The following MRC1 variants were observed in gnomAD, a reference collection of about 807,000 sequenced individuals.
The protein encoded by MRC1 is mannose receptor C-type 1.
In MRC1, 62 loss-of-function variants were observed where a neutral mutation model predicts 102.9. The observed-to-expected ratio is 0.60, with a 90% confidence interval of 0.49 to 0.74. The LOEUF (loss-of-function observed/expected upper bound fraction) is 0.74. Among genes scored for constraint, MRC1 ranks in the 30% least tolerant of loss-of-function variants. The probability of loss-of-function intolerance (pLI) is 0.00; values close to 1 mark genes in which losing one functional copy is unlikely to be tolerated. For synonymous variants in MRC1, 457 were observed against 298.4 expected (o/e 1.53, Z -5.48); for missense variants, 1,237 against 862.8 (o/e 1.43, Z -5.43).
chr10:17,869,932 A>C (rs1397598211), intron 12 of MRC1, among the ~76,000 whole-genome samples: 8 of 152,170 alleles, frequency 5.3e-5, no homozygotes, highest in Non-Finnish European at 1.0e-4. Context: ...CACTTAACCA[A>C]ATTAATCTTG....
intron 24 of MRC1, among the ~76,000 whole-genome samples, chr10:17,899,443 GACT>G (rs1833799957): frequency 6.6e-6 from 1 of 152,104 alleles, no homozygotes; most frequent in South Asian, 2.1e-4. Flanking sequence ...CAATATTTAT[GACT>G]ACAACAGTAT....
intron 22 of MRC1, among the ~76,000 whole-genome samples, chr10:17,891,201 C>A (rs1480590314): frequency 1.3e-5 from 2 of 151,226 alleles, no homozygotes; most frequent in African/African-American, 2.4e-5. Flanking sequence ...GAGTCTCACT[C>A]TGTTGCCCAG....
intron 22 of MRC1, among the ~76,000 whole-genome samples, chr10:17,886,724 A>G (rs1319278688): frequency 6.6e-6 from 1 of 152,200 alleles, no homozygotes; most frequent in Non-Finnish European, 1.5e-5. Context: ...CAATAAATTT[A>G]AAACATAATA....
At chr10:17,828,195 G>A (rs1838512361) in intron 3 of MRC1, among the ~76,000 whole-genome samples, 1 of 152,132 alleles carries the variant, frequency 6.6e-6, no homozygotes. Context: ...TCCTGCCTCA[G>A]CCTCCCGAGT....
At chr10:17,832,218 G>C (rs1306572769) in intron 3 of MRC1, among the ~76,000 whole-genome samples, 2 of 151,456 alleles carry the variant, frequency 1.3e-5, no homozygotes, top group Non-Finnish European at 2.9e-5. Context: ...CTGCTGAGAA[G>C]ATGTACGTTT....
intron 4 of MRC1, among the ~76,000 whole-genome samples, chr10:17,839,702 A>G (rs1053815705): frequency 6.6e-6 from 1 of 152,156 alleles, no homozygotes; most frequent in African/African-American, 2.4e-5. Context: ...TTTTTATTTT[A>G]ATTAATTGCT....
chr10:17,825,912 G>A (rs931777921), intron 2 of MRC1, among the ~76,000 whole-genome samples: 30 of 152,206 alleles, frequency 2.0e-4, no homozygotes, highest in African/African-American at 6.7e-4. Flanking sequence ...TGAATACAGC[G>A]TGTTCCTAAT....
chr10:17,859,216 C>T (rs1458405233), intron 9 of MRC1, among the ~76,000 whole-genome samples: 1 of 152,114 alleles, frequency 6.6e-6, no homozygotes, highest in Non-Finnish European at 1.5e-5. Context: ...TCTTTTGTTA[C>T]CAAGTCATCT....
chr10:17,843,632 C>G (rs983232616), intron 5 of MRC1, among the ~76,000 whole-genome samples: 2 of 151,838 alleles, frequency 1.3e-5, no homozygotes, highest in East Asian at 1.9e-4. Context: ...CCACTGGACT[C>G]TAGCCTGAGT....
chr10:17,898,621 G>A (rs1833787008), intron 24 of MRC1, among the ~76,000 whole-genome samples: 1 of 152,174 alleles, frequency 6.6e-6, no homozygotes, highest in Admixed American at 6.5e-5. Context: ...AGCAGGTTAG[G>A]GACATAGTTG....
chr10:17,832,888 T>A (rs933809161), intron 3 of MRC1, among the ~76,000 whole-genome samples: 20 of 152,116 alleles, frequency 1.3e-4, no homozygotes, highest in African/African-American at 4.8e-4. Flanking sequence ...TGTGCCCGGC[T>A]ATTTTTATTT....
At chr10:17,839,831 G>T (rs1838723070) in intron 4 of MRC1, among the ~76,000 whole-genome samples, 1 of 151,824 alleles carries the variant, frequency 6.6e-6, no homozygotes. Flanking sequence ...GTCTGAGGTG[G>T]GCGGATCACC....
intron 1 of MRC1, among the ~76,000 whole-genome samples, chr10:17,814,145 A>T (rs1443011243): frequency 6.6e-6 from 1 of 152,206 alleles, no homozygotes; most frequent in Admixed American, 6.5e-5. Flanking sequence ...TATGTGAGAA[A>T]GTTGAAGCTC....
Position 17,856,364 on chromosome 10 carries a change from A to G in MRC1, c.1518+12A>G. Reference sequence around the variant, plus strand: ...AAGGCTGCAGGAAAGTGAGTGCACCATGCCCACAGTGACTTAAGCTGAGCA... The same window carrying G: ...AAGGCTGCAGGAAAGTGAGTGCACCGTGCCCACAGTGACTTAAGCTGAGCA... On this transcript the variant is annotated intron_variant, in intron 9 of 29. Transcript: ENST00000569591. 2.4e-6 allele frequency: 2 copies of G among 838,924 alleles called. No homozygotes were observed. The highest frequency in any genetic ancestry group is 2.5e-5 in the East Asian group (1 of 40,314). 52.0% of individuals were successfully genotyped at this position (838,924 alleles called of 1,614,324 possible).
chr10:17,905,423 C>G (rs988401399), intron 26 of MRC1, among the ~76,000 whole-genome samples: 41 of 152,084 alleles, frequency 2.7e-4, no homozygotes, highest in Admixed American at 3.9e-4. Context: ...AAATAATTTT[C>G]AGAAGAACTT....
rs1003712152 is a variant in MRC1, at chr10:17,859,333, T to G, written c.1519-2054T>G. On this transcript the variant is annotated intron_variant, in intron 9 of 29. Coordinates refer to ENST00000569591, the MANE Select transcript of MRC1 (RefSeq NM_002438.4). ...CATATGGCTTGTTGTTGTTGTTGTTTTTGAGAAGGAGTCTTGCTATGTTGC... is the reference window on the plus strand; with the variant it reads ...CATATGGCTTGTTGTTGTTGTTGTTGTTGAGAAGGAGTCTTGCTATGTTGC... Among the ~76,000 whole-genome samples the G allele has an allele frequency of 3.3e-5, 5 of 152,284 alleles. No individual in the cohort carries two copies. In the South Asian group the frequency reaches 8.3e-4, roughly 25 times the overall value.
At chr10:17,906,651 A>G (rs1324850697) in intron 26 of MRC1, among the ~76,000 whole-genome samples, 10 of 152,180 alleles carry the variant, frequency 6.6e-5, no homozygotes, top group Admixed American at 2.6e-4. Flanking sequence ...ATCTTTGACT[A>G]TCCTGCAGGA....
intron 22 of MRC1, among the ~76,000 whole-genome samples, chr10:17,893,433 A>G (rs1177851384): frequency 6.6e-6 from 1 of 152,176 alleles, no homozygotes; most frequent in African/African-American, 2.4e-5. Flanking sequence ...CTGGGATTAC[A>G]GGTGTGAGCC....
intron 22 of MRC1, among the ~76,000 whole-genome samples, chr10:17,885,736 C>G (rs2130698259): frequency 6.6e-6 from 1 of 152,016 alleles, no homozygotes; most frequent in East Asian, 1.9e-4. Context: ...TTTGTATCAC[C>G]TTCCCCTTAT....
Sources: gnomAD v4.1 joint callset for allele counts (sites outside exome capture counted in the v4.1 genomes callset) on GRCh38, gnomAD v4.1.1 for gene constraint, MANE v1.5 for transcripts, NCBI Gene and HGNC (gene_info 2026-07-23, HGNC 2026-07-21) for gene names.